Variants in CCDC169 observed in about 807,000 individuals in gnomAD.
CCDC169 encodes coiled-coil domain-containing protein 169.
A neutral mutation model predicts 36.0 loss-of-function variants in CCDC169; 30 were observed. The ratio of observed to expected loss-of-function variants is 0.83; its 90% CI spans 0.62 to 1.13. CCDC169 has a LOEUF of 1.13. Ranked by LOEUF, CCDC169 falls within the 50% of genes most tolerant of loss-of-function variation. CCDC169 has a pLI of 0.00. For missense variants in CCDC169, 245 were observed against 245.9 expected (o/e 1.00, Z 0.03); for synonymous variants, 85 against 81.5 (o/e 1.04, Z -0.23).
chr13:36,286,647 C>T (rs1223836274), intron 2 of CCDC169, among the ~76,000 whole-genome samples: 2 of 152,036 alleles, frequency 1.3e-5, no homozygotes, highest in African/African-American at 4.8e-5. Context: ...TTTCCAACTT[C>T]ATCATCCTGA....
Position 36,231,592 on chromosome 13 carries a change from C to T in CCDC169, c.546-300G>A, listed in dbSNP as rs138680446. On this transcript the variant is annotated intron_variant, in intron 7 of 7. Transcript: ENST00000239859. The stretch of plus-strand genomic sequence containing the variant: ...CTGTCTAATGAGGATAAGACAGATC[C>T]GTGAATTCCTTTTCTTAGATTTCCA... Among the ~76,000 whole-genome samples, 103 of 152,232 alleles carry T rather than the reference C, an allele frequency of 6.8e-4. 1 individual carries two copies. The highest frequency in any genetic ancestry group is 1.1e-3 in the Non-Finnish European group (75 of 68,018).
At chr13:36,290,101 A>G (rs376201654) in intron 2 of CCDC169, among the ~76,000 whole-genome samples, 1 of 152,140 alleles carries the variant, frequency 6.6e-6, no homozygotes, top group East Asian at 1.9e-4. Context: ...CTGGGTACAC[A>G]TATCTCATCT....
intron 2 of CCDC169, among the ~76,000 whole-genome samples, chr13:36,284,428 A>G (rs1171141552): frequency 6.6e-6 from 1 of 152,236 alleles, no homozygotes; most frequent in Non-Finnish European, 1.5e-5. Flanking sequence ...TCTTAAGATG[A>G]CAGAGCTAAT....
intron 4 of CCDC169, among the ~76,000 whole-genome samples, chr13:36,282,128 G>A (rs1267392750): frequency 2.9e-5 from 2 of 68,322 alleles, no homozygotes; most frequent in Admixed American, 1.3e-4. Flanking sequence ...TCATAAGTAT[G>A]TCTGTACAGA....
intron 4 of CCDC169, among the ~76,000 whole-genome samples, chr13:36,255,915 A>G (rs545262757): frequency 6.6e-6 from 1 of 152,298 alleles, no homozygotes; most frequent in Non-Finnish European, 1.5e-5. Flanking sequence ...TCCTCCACGT[A>G]GTCTCTTACC....
intron 4 of CCDC169, among the ~76,000 whole-genome samples, chr13:36,273,667 A>G (rs1876395781): frequency 6.6e-6 from 1 of 152,242 alleles, no homozygotes; most frequent in African/African-American, 2.4e-5. Flanking sequence ...AATAGATCAC[A>G]TTTGAGATTG....
chr13:36,239,743 T>G (rs1871539103), intron 7 of CCDC169, among the ~76,000 whole-genome samples: 1 of 152,108 alleles, frequency 6.6e-6, no homozygotes, highest in African/African-American at 2.4e-5. Flanking sequence ...TAATAAGAAA[T>G]GGAGGCAAAA....
At chr13:36,274,066 C>A (rs1319741750) in intron 4 of CCDC169, among the ~76,000 whole-genome samples, 3 of 152,154 alleles carry the variant, frequency 2.0e-5, no homozygotes, top group Non-Finnish European at 4.4e-5. Context: ...TTCTCTATAC[C>A]TGCTTCCTAT....
chr13:36,291,989 CTTTTT>C (rs35326800), intron 2 of CCDC169, among the ~76,000 whole-genome samples: 6 of 134,876 alleles, frequency 4.4e-5, no homozygotes, highest in Non-Finnish European at 6.4e-5. Context: ...AATAAGTCTT[CTTTTT>C]TTTTTTTTTT....
chr13:36,238,059 T>C (rs1451918146), intron 7 of CCDC169, among the ~76,000 whole-genome samples: 1 of 152,128 alleles, frequency 6.6e-6, no homozygotes, highest in African/African-American at 2.4e-5. Flanking sequence ...TGACTGTATA[T>C]GAAATAACAA....
At chr13:36,275,585 C>G (rs144907429) in intron 4 of CCDC169, among the ~76,000 whole-genome samples, 1 of 152,130 alleles carries the variant, frequency 6.6e-6, no homozygotes, top group Non-Finnish European at 1.5e-5. Flanking sequence ...TATACTTACA[C>G]GTGTCAATAG....
chr13:36,253,829 G>A lies in CCDC169; in HGVS notation c.442C>T (p.Arg148Cys), dbSNP rs553550510. ...TGAGACATTTCAGCTAGGTATGTACGGCGTTCATTGTTGATCTTCTGGTAA... is the reference window on the plus strand; with the variant it reads ...TGAGACATTTCAGCTAGGTATGTACAGCGTTCATTGTTGATCTTCTGGTAA... ...KAYQKINNER[R>C]TYLAEMSQGS... is the part of the protein sequence containing the mutation. The change falls in exon 6 of 8, where the codon CGT (arginine) becomes TGT (cysteine). Residue 148 changes from arginine (R) to cysteine (C), a missense_variant. Transcript: ENST00000239859. 4.5e-5 allele frequency: 70 copies of A among 1,551,194 alleles called. No individual in the cohort carries two copies. The highest frequency in any genetic ancestry group is 7.2e-5 in the South Asian group (6 of 83,858).
intron 4 of CCDC169, 86 bp downstream of exon 4, chr13:36,283,383 T>G: frequency 7.6e-7 from 1 of 1,322,418 alleles, no homozygotes; most frequent in Non-Finnish European, 1.0e-6. Context: ...TGCGCTAGTC[T>G]TCAAACTTCT....
intron 4 of CCDC169, chr13:36,279,967 T>C (rs1594075459): frequency 6.6e-6 from 1 of 152,172 alleles, no homozygotes; most frequent in East Asian, 1.9e-4. Context: ...GAAAAATTCA[T>C]GATGTACGTA....
At chr13:36,252,575 C>T (rs955657938) in intron 6 of CCDC169, among the ~76,000 whole-genome samples, 1 of 152,188 alleles carries the variant, frequency 6.6e-6, no homozygotes, top group Non-Finnish European at 1.5e-5. Flanking sequence ...GACTCCAACC[C>T]TCTTTTCGGC....
At chr13:36,227,488 A>ACACACC, downstream of CCDC169, 3 of 1,171,494 alleles carry the variant, frequency 2.6e-6, no homozygotes, top group Non-Finnish European at 3.3e-6. Context: ...ACACACACAC[A>ACACACC]CATATACACA....
intron 4 of CCDC169, among the ~76,000 whole-genome samples, chr13:36,274,959 GC>G (rs1393628474): frequency 7.2e-6 from 1 of 139,232 alleles, no homozygotes; most frequent in Non-Finnish European, 1.5e-5. Context: ...GGCTCCGCCT[GC>G]CAGGTTCACA....
intron 4 of CCDC169, among the ~76,000 whole-genome samples, chr13:36,275,373 C>A (rs753499805): frequency 6.6e-6 from 1 of 152,118 alleles, no homozygotes; most frequent in African/African-American, 2.4e-5. Context: ...CAAATGCCCC[C>A]TTGTGGACAG....
At chr13:36,255,815 C>A (rs1873797948) in intron 4 of CCDC169, among the ~76,000 whole-genome samples, 1 of 152,210 alleles carries the variant, frequency 6.6e-6, no homozygotes, top group Admixed American at 6.5e-5. Flanking sequence ...CCATTGTCAT[C>A]CACAGTCTTC....
Sources: allele counts gnomAD v4.1 joint callset (sites outside exome capture counted in the v4.1 genomes callset), GRCh38; gene constraint gnomAD v4.1.1; transcripts MANE v1.5; gene names NCBI Gene and HGNC (gene_info 2026-07-23, HGNC 2026-07-21).